CNTNAP2: variants seen among roughly 807,000 people sequenced by gnomAD.
The protein encoded by CNTNAP2 is contactin-associated protein-like 2.
CNTNAP2 carries 98 observed loss-of-function variants against 155.2 expected under a neutral mutation model. The ratio of observed to expected loss-of-function variants is 0.63; its 90% CI spans 0.54 to 0.75. The LOEUF is 0.75. CNTNAP2 is among the 30% of genes least tolerant of loss of function. The pLI is 0.00. For synonymous variants in CNTNAP2, 651 were observed against 631.2 expected, an observed-to-expected ratio of 1.03 and a Z score of -0.47; for missense variants, 1,727 against 1,688.1, an observed-to-expected ratio of 1.02 and a Z score of -0.40.
At chr7:148,365,186 C>T (rs111366557) in intron 21 of CNTNAP2, among the ~76,000 whole-genome samples, 2 of 152,282 alleles carry the variant, frequency 1.3e-5, no homozygotes, top group African/African-American at 2.4e-5. Context: ...CCTAGAGTAG[C>T]ATCTCCCCGT....
intron 8 of CNTNAP2, among the ~76,000 whole-genome samples, chr7:147,286,072 C>T (rs1805167663): frequency 6.6e-6 from 1 of 151,980 alleles, no homozygotes; most frequent in Non-Finnish European, 1.5e-5. Flanking sequence ...AGTCTGGAAT[C>T]ATCAGATTTA....
chr7:147,857,125 G>A (rs1028151472), intron 13 of CNTNAP2, among the ~76,000 whole-genome samples: 1 of 152,310 alleles, frequency 6.6e-6, no homozygotes, highest in African/African-American at 2.4e-5. Flanking sequence ...TGGTATATTT[G>A]TCAGAACTTT....
intron 8 of CNTNAP2, among the ~76,000 whole-genome samples, chr7:147,165,861 T>TA (rs1354110771): frequency 1.3e-5 from 2 of 152,140 alleles, no homozygotes; most frequent in Admixed American, 6.6e-5. Context: ...CCATGCTGTT[T>TA]AAAAAAATCC....
chr7:147,664,763 C>T (rs1226822344), intron 13 of CNTNAP2, among the ~76,000 whole-genome samples: 3 of 152,170 alleles, frequency 2.0e-5, no homozygotes, highest in African/African-American at 4.8e-5. Context: ...CTGGCCCTGC[C>T]TGTATCCGGC....
intron 8 of CNTNAP2, among the ~76,000 whole-genome samples, chr7:147,161,408 A>T (rs539225763): frequency 6.6e-6 from 1 of 152,246 alleles, no homozygotes; most frequent in African/African-American, 2.4e-5. Flanking sequence ...AGATATGTTT[A>T]TGTGTAATTA....
In CNTNAP2 at chr7:147,380,979, G is replaced by GT. The variant is rs201533253; in HGVS notation, c.1499-14621dup. 7.3e-3 allele frequency among the ~76,000 whole-genome samples: 1,101 copies of GT among 150,954 alleles called. 8 individuals are homozygous for GT. Among genetic ancestry groups the GT allele is most frequent in the Middle Eastern group, 0.01 (3 of 292 alleles). On this transcript the variant is annotated intron_variant, in intron 9 of 23. Transcript: ENST00000361727. ...ACGAGACTAAGAAATTATTTTCTGG[G>GT]TTTTTTTTTGTTTTTTAAATAGAGT...
intron 1 of CNTNAP2, among the ~76,000 whole-genome samples, chr7:146,587,461 G>A (rs1239957269): frequency 6.6e-6 from 1 of 152,070 alleles, no homozygotes; most frequent in Non-Finnish European, 1.5e-5. Context: ...GCTGCAGCTT[G>A]GCTCTCAGCT....
chr7:146,439,556 T>C (rs994712673), intron 1 of CNTNAP2, among the ~76,000 whole-genome samples: 3 of 151,484 alleles, frequency 2.0e-5, no homozygotes, highest in Admixed American at 1.3e-4. Flanking sequence ...CCAAATCTCA[T>C]CTAAAAACTC....
At chr7:146,490,976 A>G (rs938768895) in intron 1 of CNTNAP2, among the ~76,000 whole-genome samples, 3 of 152,148 alleles carry the variant, frequency 2.0e-5, no homozygotes, top group African/African-American at 7.2e-5. Flanking sequence ...TGCTATATGT[A>G]TTTGTAGATA....
intron 9 of CNTNAP2, among the ~76,000 whole-genome samples, chr7:147,300,928 G>C (rs192412409): frequency 1.3e-5 from 2 of 152,082 alleles, no homozygotes; most frequent in South Asian, 4.2e-4. Flanking sequence ...GAGGAGGGGA[G>C]GGGAAAGCCA....
rs529739693 is a variant in CNTNAP2 at position 147,289,411 on chromosome 7, A to C, written c.1349-10730A>C. 5.9e-5 allele frequency among the ~76,000 whole-genome samples: 9 copies of C among 152,238 alleles called. No homozygotes were observed. In the South Asian group the frequency reaches 1.9e-3, roughly 32 times the overall value. ...CAACAGAGAATCAAATACTAAAAAA[A>C]AAACAGGAGAGACAATTGGGGAGAG... On this transcript the variant is annotated intron_variant, in intron 8 of 23. Coordinates refer to ENST00000361727, the MANE Select transcript of CNTNAP2 (RefSeq NM_014141.6).
intron 5 of CNTNAP2, among the ~76,000 whole-genome samples, chr7:147,116,719 A>G (rs1057395915): frequency 5.3e-5 from 8 of 150,068 alleles, no homozygotes; most frequent in African/African-American, 1.5e-4. Flanking sequence ...TCCCTTGGTC[A>G]CTCCATCCCA....
At chr7:147,228,021 A>C (rs558697559) in intron 8 of CNTNAP2, among the ~76,000 whole-genome samples, 1 of 152,276 alleles carries the variant, frequency 6.6e-6, no homozygotes, top group Non-Finnish European at 1.5e-5. Context: ...GGAATGGCTA[A>C]GGATTGGTGT....
intron 1 of CNTNAP2, among the ~76,000 whole-genome samples, chr7:146,227,245 G>A (rs1448992677): frequency 6.6e-6 from 1 of 151,832 alleles, no homozygotes; most frequent in East Asian, 1.9e-4. Flanking sequence ...GAACGATATA[G>A]TAAAACCCTG....
intron 1 of CNTNAP2, among the ~76,000 whole-genome samples, chr7:146,581,510 A>C (rs1798610428): frequency 6.6e-6 from 1 of 152,092 alleles, no homozygotes; most frequent in Non-Finnish European, 1.5e-5. Context: ...AGAATATTGA[A>C]AGTGACCTAT....
At chr7:147,715,689 T>C (rs1796473563) in intron 13 of CNTNAP2, among the ~76,000 whole-genome samples, 1 of 152,126 alleles carries the variant, frequency 6.6e-6, no homozygotes, top group Non-Finnish European at 1.5e-5. Flanking sequence ...TACTTTTTTT[T>C]TATTTTGATG....
At position 146,840,035 on chromosome 7, in the gene CNTNAP2, A is replaced by C. The variant is rs1334108140; in HGVS notation, c.402+131A>C. On this transcript the variant is annotated intron_variant, in intron 3 of 23. Transcript: ENST00000361727. ...ATCATTGGGAAACTATTTATTCATC[A>C]TTGTTGATGGAAGAAAGTTTCTTCA... is the stretch of plus-strand genomic sequence containing the variant. The C allele has an allele frequency of 9.9e-6, 11 of 1,106,336 alleles. No homozygotes were observed. The East Asian group carries it at 2.8e-4, about 29-fold the overall frequency. The allele number at this position is 1,106,336 out of a possible 1,614,324, so 68.5% of individuals were successfully genotyped here.
intron 12 of CNTNAP2, among the ~76,000 whole-genome samples, chr7:147,630,039 C>A (rs1296762899): frequency 2.6e-5 from 4 of 151,622 alleles, no homozygotes; most frequent in African/African-American, 9.7e-5. Flanking sequence ...AAAGTGGGTT[C>A]TTTGAAAAGA....
At chr7:146,576,780 G>C (rs960151757) in intron 1 of CNTNAP2, among the ~76,000 whole-genome samples, 1 of 152,058 alleles carries the variant, frequency 6.6e-6, no homozygotes, top group Non-Finnish European at 1.5e-5. Context: ...TTGTAAAATA[G>C]TACATTCATA....
Sources: allele counts gnomAD v4.1 joint callset (sites outside exome capture counted in the v4.1 genomes callset), GRCh38; gene constraint gnomAD v4.1.1; transcripts MANE v1.5; gene names NCBI Gene and HGNC (gene_info 2026-07-23, HGNC 2026-07-21).